ZNF69: variants seen among roughly 807,000 people sequenced by gnomAD.
ZNF69 encodes the protein ZNF3.
A neutral mutation model predicts 50.9 loss-of-function variants in ZNF69; 47 were observed. That is an observed-to-expected ratio of 0.92 (90% CI 0.73 to 1.18). The LOEUF is 1.18. Ranked by LOEUF, ZNF69 falls within the 50% of genes most tolerant of loss-of-function variation. The pLI is 0.00. For synonymous variants in ZNF69, 216 were observed against 223.1 expected, an observed-to-expected ratio of 0.97 and a Z score of 0.29; for missense variants, 717 against 675.1, an observed-to-expected ratio of 1.06 and a Z score of -0.69.
chr19:11,968,278 A>G, the ZNF69 span, among the ~76,000 whole-genome samples: 10 of 151,976 alleles, frequency 6.6e-5, no homozygotes, highest in South Asian at 2.1e-4. Context: ...CTTTGAGACA[A>G]TGTCTAGCTC....
At chr19:11,906,734 G>C (rs566934290), downstream of ZNF69, among the ~76,000 whole-genome samples, 312 of 152,318 alleles carry the variant, frequency 2.0e-3, 1 homozygote, top group African/African-American at 6.5e-3. Flanking sequence ...AACCAGAGCA[G>C]AAAAGCTGAA....
chr19:11,903,167 G>C (rs935288284), intron 1 of ZNF69, among the ~76,000 whole-genome samples: 1 of 152,056 alleles, frequency 6.6e-6, no homozygotes, highest in Admixed American at 6.6e-5. Flanking sequence ...AGGCCTGGTG[G>C]CTCACGCCTG....
At chr19:11,933,438 G>A in the ZNF69 span, among the ~76,000 whole-genome samples, 21 of 147,782 alleles carry the variant, frequency 1.4e-4, no homozygotes, top group East Asian at 3.5e-3. Flanking sequence ...AGACAACTAC[G>A]TGTGTCATGT....
At chr19:11,935,100 C>T in the ZNF69 span, among the ~76,000 whole-genome samples, 544 of 138,848 alleles carry the variant, frequency 3.9e-3, 6 homozygotes, top group Non-Finnish European at 5.6e-3. Context: ...GGCATGAACC[C>T]GGGAGGCGGA....
chr19:11,898,341 A>T (rs938395268), intron 1 of ZNF69, among the ~76,000 whole-genome samples: 1 of 150,304 alleles, frequency 6.7e-6, no homozygotes, highest in Admixed American at 6.6e-5. Context: ...CAGATAATCC[A>T]CAGAGTTCCC....
chr19:11,899,628 T>C (rs529974239), intron 1 of ZNF69, among the ~76,000 whole-genome samples: 10 of 152,212 alleles, frequency 6.6e-5, no homozygotes, highest in Admixed American at 3.9e-4. Context: ...TGAGAACTTA[T>C]CTATTTTTTT....
the ZNF69 span, chr19:11,979,729 G>A: frequency 3.1e-6 from 5 of 1,597,550 alleles, no homozygotes; most frequent in African/African-American, 2.7e-5. Flanking sequence ...AGCAATGTGG[G>A]AAAGCCTTCA....
chr19:11,936,508 G>A, the ZNF69 span, among the ~76,000 whole-genome samples: 15 of 152,266 alleles, frequency 9.9e-5, no homozygotes, highest in South Asian at 2.1e-3. Flanking sequence ...GTCTGTTCAT[G>A]TCCTTTGCCC....
the ZNF69 span, chr19:11,956,502 C>CA: frequency 2.5e-6 from 1 of 398,254 alleles, no homozygotes; most frequent in Non-Finnish European, 4.4e-6. Context: ...CTCATTGAAA[C>CA]AGAGGCCTGA....
downstream of ZNF69, among the ~76,000 whole-genome samples, chr19:11,907,867 C>A (rs943111862): frequency 6.6e-6 from 1 of 152,168 alleles, no homozygotes; most frequent in African/African-American, 2.4e-5. Flanking sequence ...AATTAAAAGA[C>A]ACAGACTGGC....
chr19:11,959,125 G>T, the ZNF69 span, among the ~76,000 whole-genome samples: 5 of 152,116 alleles, frequency 3.3e-5, no homozygotes, highest in South Asian at 2.1e-4. Flanking sequence ...GACCTCAAGT[G>T]ATCCACCTGC....
chr19:11,941,206 C>T, the ZNF69 span, among the ~76,000 whole-genome samples: 1 of 152,268 alleles, frequency 6.6e-6, no homozygotes, highest in South Asian at 2.1e-4. Context: ...CACGTCCCCA[C>T]CAGACTCAGG....
In ZNF69 at chr19:11,887,969, T is replaced by C; in HGVS notation, c.46T>C (p.Ser16Pro). 3 of 1,612,354 alleles carry C rather than the reference T, an allele frequency of 1.9e-6. No individual in the cohort carries two copies. The highest frequency in any genetic ancestry group is 1.7e-6 in the Non-Finnish European group (2 of 1,178,856). Residue 16 changes from serine to proline, a missense_variant, in exon 1 of 4, where the codon TCT (serine) becomes CCT (proline). By Grantham distance (74) the Ser-to-Pro change is moderately conservative. Coordinates refer to ENST00000429654, the MANE Select transcript of ZNF69 (RefSeq NM_001364730.1). ...HRRCREDPGT[S>P]ESQEMDPVAF... ...GAGGTGTAGAGAGGACCCCGGGACA[T>C]CTGAAAGCCAGGAAATGGTGCGTGT...
chr19:11,954,996 AT>A, the ZNF69 span, among the ~76,000 whole-genome samples: 4,364 of 101,708 alleles, frequency 0.043, 76 homozygotes, highest in African/African-American at 0.12. Flanking sequence ...TTTCAAAAAA[AT>A]TTTTTTTTTT....
the ZNF69 span, among the ~76,000 whole-genome samples, chr19:11,958,005 T>TA: frequency 6.6e-6 from 1 of 152,186 alleles, no homozygotes; most frequent in Admixed American, 6.5e-5. Flanking sequence ...TGGTTTGTCA[T>TA]AGGTAACAAA....
At chr19:11,958,189 C>T in the ZNF69 span, among the ~76,000 whole-genome samples, 1 of 152,164 alleles carries the variant, frequency 6.6e-6, no homozygotes, top group Non-Finnish European at 1.5e-5. Flanking sequence ...TGATTTGACT[C>T]GTCCTGAGTT....
At chr19:11,949,907 C>T in the ZNF69 span, 10 of 1,613,882 alleles carry the variant, frequency 6.2e-6, no homozygotes, top group Non-Finnish European at 7.6e-6. Context: ...TGTGGGAAAG[C>T]CTTCAGATCT....
the ZNF69 span, among the ~76,000 whole-genome samples, chr19:11,964,362 G>A: frequency 2.0e-5 from 3 of 152,226 alleles, no homozygotes; most frequent in Non-Finnish European, 1.5e-5. Flanking sequence ...GTCGCTGGAG[G>A]CAGAGTTGTT....
chr19:11,903,723 T>G (rs1387954017), intron 2 of ZNF69, 24 bp downstream of exon 2: 1 of 1,613,124 alleles, frequency 6.2e-7, no homozygotes. Context: ...ATTCCTTCCC[T>G]CAGTCCATTA....
Sources: allele counts gnomAD v4.1 joint callset (sites outside exome capture counted in the v4.1 genomes callset), GRCh38; gene constraint gnomAD v4.1.1; transcripts MANE v1.5; gene names NCBI Gene and HGNC (gene_info 2026-07-23, HGNC 2026-07-21).